The following DYNC2H1 variants were observed in gnomAD, a reference collection of about 807,000 sequenced individuals.
DYNC2H1 encodes cytoplasmic dynein 2 heavy chain 1.
A neutral mutation model predicts 570.0 loss-of-function variants in DYNC2H1; 410 were observed. That is an observed-to-expected ratio of 0.72 (90% CI 0.66 to 0.78). The LOEUF (loss-of-function observed/expected upper bound fraction) is 0.78, where lower values mean the gene tolerates loss of function less well. Among genes scored for constraint, DYNC2H1 ranks in the 30% least tolerant of loss-of-function variants. The pLI, the probability that DYNC2H1 is intolerant of heterozygous loss-of-function variation, is 0.00. For missense variants in DYNC2H1, 4,865 were observed against 5,046.4 expected (o/e 0.96, Z 1.09); for synonymous variants, 1,688 against 1,677.6 (o/e 1.01, Z -0.15).
chr11:103,454,452 G>A (rs1057040317), intron 85 of DYNC2H1, among the ~76,000 whole-genome samples: 4 of 152,008 alleles, frequency 2.6e-5, no homozygotes, highest in African/African-American at 9.7e-5. Flanking sequence ...TAACTTCCTG[G>A]TTCCAGCAGC....
At position 103,117,874 on chromosome 11, in the gene DYNC2H1, G is replaced by T; in HGVS notation, c.999+11G>T. Reference sequence around the variant, plus strand: ...AAACGCCTTGAAGAGGTATCAATTTGATTATCTAGATCTTTGTCTTTAAAT... The same window carrying T: ...AAACGCCTTGAAGAGGTATCAATTTTATTATCTAGATCTTTGTCTTTAAAT... On this transcript the variant is annotated intron_variant, in intron 6 of 88. Coordinates refer to ENST00000375735, the MANE Select transcript of DYNC2H1 (RefSeq NM_001377.3). The T allele has an allele frequency of 1.3e-6, 2 of 1,594,954 alleles. No individual in the cohort carries two copies. Among genetic ancestry groups the T allele is most frequent in the South Asian group, 1.1e-5 (1 of 89,376 alleles).
intron 85 of DYNC2H1, among the ~76,000 whole-genome samples, chr11:103,448,989 A>T (rs1944512711): frequency 1.3e-5 from 2 of 152,162 alleles, no homozygotes; most frequent in African/African-American, 4.8e-5. Flanking sequence ...TAAAATATTT[A>T]AAAATTTGTT....
intron 13 of DYNC2H1, among the ~76,000 whole-genome samples, chr11:103,131,203 G>A (rs1859247913): frequency 6.6e-6 from 1 of 152,030 alleles, no homozygotes; most frequent in African/African-American, 2.4e-5. Flanking sequence ...TTCAGATGGT[G>A]TTATAATTTT....
intron 65 of DYNC2H1, among the ~76,000 whole-genome samples, chr11:103,248,727 AATATTGAT>A (rs879571459): frequency 6.6e-6 from 1 of 152,022 alleles, no homozygotes; most frequent in Non-Finnish European, 1.5e-5. Flanking sequence ...TTCAGCTGTA[AATATTGAT>A]AGGATTTGGG....
In DYNC2H1 at chr11:103,243,304, GA is replaced by G. The variant is rs1864491420; in HGVS notation, c.9820-388del. Among the ~76,000 whole-genome samples, 1 of 55,090 alleles carries G rather than the reference GA, an allele frequency of 1.8e-5. No homozygotes were observed. Among genetic ancestry groups the G allele is most frequent in the East Asian group, 6.0e-4 (1 of 1,664 alleles). The allele number at this position is 55,090 out of a possible 152,430, so 36.1% of individuals were successfully genotyped here. A position where few individuals can be genotyped will look rare whatever the true frequency, so the allele number is the denominator to read the frequency against. Reference sequence around the variant, plus strand: ...AGATAGATAGATAGATAGATAGATAGATAAATAGAGAATAATTTGACTGTGT... The same window carrying G: ...AGATAGATAGATAGATAGATAGATAGTAAATAGAGAATAATTTGACTGTGT... On this transcript the variant is annotated intron_variant, in intron 63 of 88. Transcript: ENST00000375735. This position sits in a 1 kb window ranked among gnomAD's most constrained non-coding sequence, Gnocchi z 4.8.
At chr11:103,454,341 A>G (rs1944715561) in intron 85 of DYNC2H1, among the ~76,000 whole-genome samples, 1 of 152,152 alleles carries the variant, frequency 6.6e-6, no homozygotes, top group South Asian at 2.1e-4. Context: ...CTGAACTAAT[A>G]GCTTACTGAT....
In DYNC2H1 at chr11:103,468,633, A is replaced by G. The variant is rs371640317; in HGVS notation, c.12693A>G (p.Gln4231=). The part of the protein sequence containing the change: ...LLEGCSFDGN[Q]LSENQLDSPS... ...AAGGATGTAGTTTTGATGGAAATCAACTTTCTGAAAATCAGCTTGATTCTC... is the reference window on the plus strand; with the variant it reads ...AAGGATGTAGTTTTGATGGAAATCAGCTTTCTGAAAATCAGCTTGATTCTC... Residue 4231 remains glutamine (Q), a synonymous_variant, in exon 88 of 89, where the codon CAA becomes CAG. Coordinates refer to ENST00000375735, the MANE Select transcript of DYNC2H1 (RefSeq NM_001377.3). 5.5e-5 allele frequency: 88 copies of G among 1,613,742 alleles called. No individual in the cohort carries two copies. The highest frequency in any genetic ancestry group is 7.3e-5 in the Non-Finnish European group (86 of 1,179,742).
rs925290291 is a variant in DYNC2H1, at chr11:103,277,244, G to A, written c.10696-3104G>A. Among the ~76,000 whole-genome samples, 1 of 151,956 alleles carries A rather than the reference G, an allele frequency of 6.6e-6. No homozygotes were observed. The highest frequency in any genetic ancestry group is 1.5e-5 in the Non-Finnish European group (1 of 67,926). ...GCTCATATAGTTATACAAAGTGTGT[G>A]TTCAAATTTTATCATGTATGGCTTT... On this transcript the variant is annotated intron_variant, in intron 70 of 88. Coordinates refer to ENST00000375735, the MANE Select transcript of DYNC2H1 (RefSeq NM_001377.3). This position sits in a 1 kb window ranked among gnomAD's most constrained non-coding sequence, Gnocchi z 4.3.
In DYNC2H1 at chr11:103,163,084, G is replaced by GGAAT. The variant is rs1565356600; in HGVS notation, c.4550_4553dup (p.Cys1518Ter). The GGAAT allele has an allele frequency of 1.2e-6, 2 of 1,613,244 alleles. No homozygotes were observed. The highest frequency in any genetic ancestry group is 4.5e-5 in the East Asian group (2 of 44,864). On this transcript the variant is annotated frameshift_variant, in exon 30 of 89. Transcript: ENST00000375735. LOFTEE classifies it high-confidence loss of function. This position sits in a 1 kb window ranked among gnomAD's most constrained non-coding sequence, Gnocchi z 4.6. The stretch of plus-strand genomic sequence containing the variant: ...AGAAAACTTTGGAACAGTTGTTGAA[G>GGAAT]GAATGTGTTACTACTGGGCGAAGTT...
chr11:103,438,889 G>T (rs1169984396), intron 85 of DYNC2H1, among the ~76,000 whole-genome samples: 1 of 152,032 alleles, frequency 6.6e-6, no homozygotes, highest in Non-Finnish European at 1.5e-5. Context: ...TGTGTCTATA[G>T]TTCCAGTGAC....
chr11:103,465,661 A>G lies in DYNC2H1; in HGVS notation c.12649-2928A>G, dbSNP rs1945174448. Among the ~76,000 whole-genome samples the G allele has an allele frequency of 6.6e-6, 1 of 152,140 alleles. No homozygotes were observed. The highest frequency in any genetic ancestry group is 1.5e-5 in the Non-Finnish European group (1 of 68,016). ...GGGAAGGTCCATGCTGGCCTCATTCATATATATGGCAACTGGTGCTAGCTC... is the reference window on the plus strand; with the variant it reads ...GGGAAGGTCCATGCTGGCCTCATTCGTATATATGGCAACTGGTGCTAGCTC... On this transcript the variant is annotated intron_variant, in intron 87 of 88. Transcript: ENST00000375735. This position sits in a 1 kb window ranked among gnomAD's most constrained non-coding sequence, Gnocchi z 4.9.
At chr11:103,350,389 A>T (rs192046463) in intron 82 of DYNC2H1, among the ~76,000 whole-genome samples, 1 of 152,272 alleles carries the variant, frequency 6.6e-6, no homozygotes, top group East Asian at 1.9e-4. Context: ...TAATTCTTAG[A>T]CATTTAATTG....
At chr11:103,445,441 G>T (rs2135779387) in intron 85 of DYNC2H1, among the ~76,000 whole-genome samples, 1 of 152,238 alleles carries the variant, frequency 6.6e-6, no homozygotes, top group Admixed American at 6.5e-5. Context: ...ATATTAATGT[G>T]AGTAAACAAC....
intron 83 of DYNC2H1, among the ~76,000 whole-genome samples, chr11:103,379,496 T>A (rs577099010): frequency 6.6e-6 from 1 of 152,308 alleles, no homozygotes; most frequent in South Asian, 2.1e-4. Flanking sequence ...ACCCCTCCCA[T>A]TTTCTTCCCA....
At position 103,446,436 on chromosome 11, in the gene DYNC2H1, T is replaced by C. The variant is rs1004225241; in HGVS notation, c.12457-8750T>C. ...GAATTATCAACTATGTCAAATGCTG[T>C]AAGTGAGGTTAGAGAAAAATCATGT... On this transcript the variant is annotated intron_variant, in intron 85 of 88. Coordinates refer to ENST00000375735, the MANE Select transcript of DYNC2H1 (RefSeq NM_001377.3). This position sits in a 1 kb window ranked among gnomAD's most constrained non-coding sequence, Gnocchi z 4.5. Among the ~76,000 whole-genome samples, 1 of 152,154 alleles carries C rather than the reference T, an allele frequency of 6.6e-6. No homozygotes were observed. The highest frequency in any genetic ancestry group is 2.4e-5 in the African/African-American group (1 of 41,432).
At chr11:103,138,349 A>G (rs1283002066) in intron 17 of DYNC2H1, among the ~76,000 whole-genome samples, 1 of 152,012 alleles carries the variant, frequency 6.6e-6, no homozygotes, top group East Asian at 1.9e-4. Flanking sequence ...ATTCAGTATG[A>G]TATTGGCTGT....
intron 47 of DYNC2H1, among the ~76,000 whole-genome samples, chr11:103,194,548 CT>C (rs2135061448): frequency 6.6e-6 from 1 of 152,014 alleles, no homozygotes; most frequent in East Asian, 1.9e-4. Context: ...GGTGTTGTTA[CT>C]ATTTTGTATT....
chr11:103,297,114 C>T (rs945282056), intron 75 of DYNC2H1, among the ~76,000 whole-genome samples: 2 of 152,078 alleles, frequency 1.3e-5, no homozygotes, highest in Non-Finnish European at 2.9e-5. Flanking sequence ...ATGCTTATAT[C>T]TCTTATTTCC....
rs1003377720 is a variant in DYNC2H1 at position 103,203,918 on chromosome 11, T to C, written c.8311+142T>C. On this transcript the variant is annotated intron_variant, in intron 51 of 88. Coordinates refer to ENST00000375735, the MANE Select transcript of DYNC2H1 (RefSeq NM_001377.3). The surrounding 1 kb of genome is among the most constrained non-coding windows in gnomAD (Gnocchi z 4.7). ...CTTTTAGAAAGTAACACCTAACTAG[T>C]GGATAGGCTAACCTATAATAAAAAC... 7.4e-5 allele frequency: 44 copies of C among 592,372 alleles called. 1 individual carries two copies. In the African/African-American group the frequency reaches 7.9e-4, roughly 11 times the overall value. 36.7% of individuals were successfully genotyped at this position (592,372 alleles called of 1,614,324 possible).
Sources: allele counts gnomAD v4.1 joint callset (sites outside exome capture counted in the v4.1 genomes callset), GRCh38; gene constraint gnomAD v4.1.1; non-coding constraint Gnocchi (gnomAD v3.1); transcripts MANE v1.5; gene names NCBI Gene and HGNC (gene_info 2026-07-23, HGNC 2026-07-21).